Variants in SCTR observed in about 807,000 individuals in gnomAD.
The protein encoded by SCTR is pancreatic secretin receptor.
SCTR carries 56 observed loss-of-function variants against 60.8 expected under a neutral mutation model. That is an observed-to-expected ratio of 0.92 (90% CI 0.74 to 1.15). SCTR has a LOEUF of 1.15. SCTR is among the 50% of genes most tolerant of loss of function. The probability of loss-of-function intolerance (pLI) is 0.00; values close to 1 mark genes in which losing one functional copy is unlikely to be tolerated. For synonymous variants in SCTR, 202 were observed against 217.0 expected, an observed-to-expected ratio of 0.93 and a Z score of 0.61; for missense variants, 562 against 550.4, an observed-to-expected ratio of 1.02 and a Z score of -0.21.
At chr2:119,469,985 T>G (rs1383580459) in intron 4 of SCTR, among the ~76,000 whole-genome samples, 1 of 152,242 alleles carries the variant, frequency 6.6e-6, no homozygotes, top group Non-Finnish European at 1.5e-5. Flanking sequence ...AGTAAATATT[T>G]TGGGCTCTGA....
Sources: gnomAD v4.1 joint callset for allele counts (sites outside exome capture counted in the v4.1 genomes callset) on GRCh38, gnomAD v4.1.1 for gene constraint, MANE v1.5 for transcripts, NCBI Gene and HGNC (gene_info 2026-07-23, HGNC 2026-07-21) for gene names.